ABCG1: variants seen among roughly 807,000 people sequenced by gnomAD.
The protein encoded by ABCG1 is ATP-binding cassette sub-family G member 1.
In ABCG1, 29 loss-of-function variants were observed where a neutral mutation model predicts 69.2. That is an observed-to-expected ratio of 0.42 (90% CI 0.31 to 0.57). The LOEUF is 0.57. Among genes scored for constraint, ABCG1 ranks in the 20% least tolerant of loss-of-function variants. ABCG1 has a pLI of 0.15. For missense variants in ABCG1, 718 were observed against 898.1 expected, an observed-to-expected ratio of 0.80 and a Z score of 2.56; for synonymous variants, 370 against 374.8, an observed-to-expected ratio of 0.99 and a Z score of 0.15.
intron 13 of ABCG1, among the ~76,000 whole-genome samples, chr21:42,294,307 T>C (rs1172359164): frequency 6.6e-6 from 1 of 152,222 alleles, no homozygotes; most frequent in Non-Finnish European, 1.5e-5. Context: ...CAGCTCATCC[T>C]GGGCTGCAGG....
chr21:42,214,389 T>C (rs767430503), upstream of ABCG1, among the ~76,000 whole-genome samples: 6 of 152,202 alleles, frequency 3.9e-5, no homozygotes, highest in Non-Finnish European at 8.8e-5. Flanking sequence ...TACCTTTCTG[T>C]AGTTTACAGA....
intron 2 of ABCG1, among the ~76,000 whole-genome samples, chr21:42,241,398 A>C (rs573721382): frequency 6.6e-6 from 1 of 152,250 alleles, no homozygotes; most frequent in African/African-American, 2.4e-5. Context: ...TGAGGTCAGG[A>C]GTTTGAGACT....
chr21:42,261,544 C>T (rs565510108), intron 2 of ABCG1, among the ~76,000 whole-genome samples: 1 of 152,184 alleles, frequency 6.6e-6, no homozygotes, highest in African/African-American at 2.4e-5. Flanking sequence ...CAGCTCCCCA[C>T]CCCCTCTCTC....
chr21:42,256,102 G>A, intron 2 of ABCG1: 1 of 1,304,678 alleles, frequency 7.7e-7, no homozygotes, highest in Non-Finnish European at 9.8e-7. Flanking sequence ...AAGGGTCTCT[G>A]GGTGAGGCCC....
rs910683612 is a variant in ABCG1 at position 42,291,031 on chromosome 21, T to C, written c.1394-61T>C. On this transcript the variant is annotated intron_variant, in intron 11 of 14. Coordinates refer to ENST00000398449, the MANE Select transcript of ABCG1 (RefSeq NM_016818.3). The surrounding 1 kb of genome is among the most constrained non-coding windows in gnomAD (Gnocchi z 6.4). ...CTCAGCTCAAGATCGCCTGTTGGGA[T>C]GTTAAACGGGCTCGCTGCACATGGT... 5 of 1,277,608 alleles carry C rather than the reference T, an allele frequency of 3.9e-6. No homozygotes were observed. The African/African-American group carries it at 7.3e-5, about 19-fold the overall frequency. 79.1% of individuals were successfully genotyped at this position (1,277,608 alleles called of 1,614,324 possible).
chr21:42,261,595 C>G (rs1270618829), intron 2 of ABCG1, among the ~76,000 whole-genome samples: 4 of 152,318 alleles, frequency 2.6e-5, no homozygotes, highest in Admixed American at 2.0e-4. Flanking sequence ...GTATCGGGGA[C>G]TGCCCGCTTG....
At chr21:42,255,444 G>A (rs529741908) in intron 2 of ABCG1, among the ~76,000 whole-genome samples, 1 of 152,282 alleles carries the variant, frequency 6.6e-6, no homozygotes, top group South Asian at 2.1e-4. Context: ...ACATGTCCAT[G>A]TGTGGGTGTG....
intron 2 of ABCG1, among the ~76,000 whole-genome samples, chr21:42,234,206 G>A (rs2067943220): frequency 6.6e-6 from 1 of 152,128 alleles, no homozygotes; most frequent in Non-Finnish European, 1.5e-5. Context: ...GCCCAGGACC[G>A]CTGGCAGGTA....
chr21:42,238,225 T>C (rs1458051787), intron 2 of ABCG1, among the ~76,000 whole-genome samples: 2 of 152,230 alleles, frequency 1.3e-5, no homozygotes, highest in East Asian at 3.8e-4. Context: ...TTTCTACCCA[T>C]TCTTTTTGAG....
At position 42,273,892 on chromosome 21, in the gene ABCG1, TG is replaced by T. The variant is rs903901955; in HGVS notation, c.537+460del. Among the ~76,000 whole-genome samples, 3 of 151,960 alleles carry T rather than the reference TG, an allele frequency of 2.0e-5. No individual in the cohort carries two copies. The highest frequency in any genetic ancestry group is 7.3e-5 in the African/African-American group (3 of 41,350). On this transcript the variant is annotated intron_variant, in intron 4 of 14. Transcript: ENST00000398449. This position sits in a 1 kb window ranked among gnomAD's most constrained non-coding sequence, Gnocchi z 5.3. Reference sequence around the variant, plus strand: ...TCCTCTGACTCACCTGCCTCCCAGGTGGGAAAATGAAACCAGCAGTGGCCGA... The same window carrying T: ...TCCTCTGACTCACCTGCCTCCCAGGTGGAAAATGAAACCAGCAGTGGCCGA...
intron 1 of ABCG1, among the ~76,000 whole-genome samples, chr21:42,224,335 ACAGGGGCATTGGGAC>A (rs2067779396): frequency 6.6e-6 from 1 of 152,208 alleles, no homozygotes; most frequent in Non-Finnish European, 1.5e-5. Context: ...AGGCCCTGCC[ACAGGGGCATTGGGAC>A]CAGCTGGGAG....
In ABCG1 at chr21:42,294,665, C is replaced by T. The variant is rs371547268; in HGVS notation, c.1772+5C>T. On this transcript the variant is annotated splice_donor_5th_base_variant and intron_variant, in intron 14 of 14. Coordinates refer to ENST00000398449, the MANE Select transcript of ABCG1 (RefSeq NM_016818.3). ...GTCCTACATCTCCTATGTCAGGTAG[C>T]GGGCGTGGGGCACGCATGGCGTGGG... 6.8e-5 allele frequency: 110 copies of T among 1,611,306 alleles called. No individual in the cohort carries two copies. The highest frequency in any genetic ancestry group is 4.6e-4 in the South Asian group (42 of 91,048).
upstream of ABCG1, among the ~76,000 whole-genome samples, chr21:42,215,536 A>G (rs1024136378): frequency 5.9e-5 from 9 of 152,280 alleles, no homozygotes; most frequent in African/African-American, 2.2e-4. Flanking sequence ...GTGCTAATAG[A>G]TGCAGACCCT....
intron 2 of ABCG1, among the ~76,000 whole-genome samples, chr21:42,249,405 T>C (rs1030656159): frequency 6.6e-6 from 1 of 152,196 alleles, no homozygotes; most frequent in Admixed American, 6.6e-5. Flanking sequence ...GTTTAAGTTC[T>C]GTTTCTGGTC....
chr21:42,217,180 G>A (rs573574961), upstream of ABCG1, among the ~76,000 whole-genome samples: 2 of 152,268 alleles, frequency 1.3e-5, no homozygotes, highest in African/African-American at 2.4e-5. Context: ...GCCTATTCTC[G>A]AGCTGAAGGT....
Position 42,291,204 on chromosome 21 carries a change from A to G in ABCG1, c.1494+12A>G. 1 of 1,604,848 alleles carries G rather than the reference A, an allele frequency of 6.2e-7. No individual in the cohort carries two copies. The highest frequency in any genetic ancestry group is 8.5e-7 in the Non-Finnish European group (1 of 1,172,466). ...ACGTGCCCTTTCAGGTGTGTTAGCC[A>G]GGGGCTGGAATTTGAAACGGGGGCA... is the stretch of plus-strand genomic sequence containing the variant. On this transcript the variant is annotated intron_variant, in intron 12 of 14. Transcript: ENST00000398449. This position sits in a 1 kb window ranked among gnomAD's most constrained non-coding sequence, Gnocchi z 6.4.
chr21:42,296,595 T>A lies in ABCG1; in HGVS notation c.*203T>A. ...CTTCTCTCCATTCCCCTTTCTAGCT[T>A]TAACTAGGAAGATGTAGGCAGATTG... On this transcript the variant is annotated 3_prime_UTR_variant, in exon 15 of 15. Transcript: ENST00000398449. The surrounding 1 kb of genome is among the most constrained non-coding windows in gnomAD (Gnocchi z 5.4). 1.7e-6 allele frequency: 1 copy of A among 580,488 alleles called. No homozygotes were observed. Among genetic ancestry groups the A allele is most frequent in the Non-Finnish European group, 3.1e-6 (1 of 324,520 alleles). 36.0% of individuals were successfully genotyped at this position (580,488 alleles called of 1,614,324 possible).
At chr21:42,278,245 G>A (rs1360114063) in intron 5 of ABCG1, among the ~76,000 whole-genome samples, 1 of 152,106 alleles carries the variant, frequency 6.6e-6, no homozygotes, top group Non-Finnish European at 1.5e-5. Flanking sequence ...AAAGGCGAGA[G>A]CCCCCTCTGG....
chr21:42,205,635 A>G (rs528734177), intron 2 of ABCG1, among the ~76,000 whole-genome samples: 54 of 151,008 alleles, frequency 3.6e-4, no homozygotes, highest in African/African-American at 1.3e-3. Context: ...CAATTTATTG[A>G]TTATTTCTAA....
Sources: gnomAD v4.1 joint callset for allele counts (sites outside exome capture counted in the v4.1 genomes callset) on GRCh38, gnomAD v4.1.1 for gene constraint, Gnocchi (gnomAD v3.1) non-coding constraint, MANE v1.5 for transcripts, NCBI Gene and HGNC (gene_info 2026-07-23, HGNC 2026-07-21) for gene names.